ABCA5: variants seen among roughly 807,000 people sequenced by gnomAD.
ABCA5 encodes ATP binding cassette subfamily A member 5.
Under a neutral mutation model 206.0 loss-of-function variants are expected in ABCA5, and 163 were observed. The ratio of observed to expected loss-of-function variants is 0.79; its 90% CI spans 0.70 to 0.90. The LOEUF (loss-of-function observed/expected upper bound fraction) is 0.90, where lower values mean the gene tolerates loss of function less well. Among genes scored for constraint, ABCA5 ranks in the 40% least tolerant of loss-of-function variants. ABCA5 has a pLI of 0.00. For missense variants in ABCA5, 1,859 were observed against 1,912.9 expected, an observed-to-expected ratio of 0.97 and a Z score of 0.53; for synonymous variants, 609 against 613.8, an observed-to-expected ratio of 0.99 and a Z score of 0.11.
Position 69,251,520 on chromosome 17 carries a change from AAAT to A in ABCA5, c.4535+224_4535+226del, listed in dbSNP as rs527807005. The A allele has an allele frequency of 2.2e-4, 115 of 532,236 alleles. No homozygotes were observed. In the African/African-American group the frequency reaches 2.2e-3, roughly 10 times the overall value. The allele number at this position is 532,236 out of a possible 1,614,324, so 33.0% of individuals were successfully genotyped here. A position where few individuals can be genotyped will look rare whatever the true frequency, so the allele number is the denominator to read the frequency against. ...TTGAAATAACAAGTACTATGCCTAA[AAAT>A]AATATTCCAAGTTATTGAAATATTA... On this transcript the variant is annotated intron_variant, in intron 35 of 38. Transcript: ENST00000392676.
At chr17:69,280,774 T>C (rs1347208917) in intron 18 of ABCA5, among the ~76,000 whole-genome samples, 5 of 151,648 alleles carry the variant, frequency 3.3e-5, no homozygotes, top group Non-Finnish European at 7.4e-5. Flanking sequence ...CTCAGTAAAC[T>C]ATTGCAAGAA....
intron 5 of ABCA5, among the ~76,000 whole-genome samples, chr17:69,307,827 T>G (rs1439298311): frequency 6.6e-6 from 1 of 152,158 alleles, no homozygotes; most frequent in African/African-American, 2.4e-5. Flanking sequence ...ATACATACTT[T>G]AAACGTATTG....
At chr17:69,302,107 T>C (rs2075658544) in intron 8 of ABCA5, among the ~76,000 whole-genome samples, 1 of 152,206 alleles carries the variant, frequency 6.6e-6, no homozygotes, top group South Asian at 2.1e-4. Context: ...TTTCTTATAT[T>C]TAGTAATTAC....
intron 20 of ABCA5, among the ~76,000 whole-genome samples, chr17:69,271,517 C>T (rs2075273886): frequency 6.6e-6 from 1 of 152,150 alleles, no homozygotes; most frequent in South Asian, 2.1e-4. Context: ...TAAGTTCCCT[C>T]TTTTGTAAAG....
chr17:69,313,283 G>A lies in ABCA5; in HGVS notation c.116C>T (p.Pro39Leu). Residue 39 changes from proline (P) to leucine (L), a missense_variant, in exon 3 of 39, where the codon CCA becomes CTA. Physicochemically the swap from Pro to Leu is moderately conservative, Grantham distance 98. Coordinates refer to ENST00000392676, the MANE Select transcript of ABCA5 (RefSeq NM_172232.4). ...TATTAACCAAAATAAAAAAAATAGT[G>A]GAAAAAGAATTTCCTACAATAAAAG... ...KKSSVQEILF[P>L]LFFLFWLILI... is the part of the protein sequence containing the mutation. 3 of 1,372,132 alleles carry A rather than the reference G, an allele frequency of 2.2e-6. No homozygotes were observed. Among genetic ancestry groups the A allele is most frequent in the African/African-American group, 1.5e-5 (1 of 68,000 alleles). The allele number at this position is 1,372,132 out of a possible 1,614,324, so 85.0% of individuals were successfully genotyped here.
chr17:69,288,252 A>C (rs1272791411), intron 14 of ABCA5, among the ~76,000 whole-genome samples: 2 of 152,168 alleles, frequency 1.3e-5, no homozygotes, highest in Non-Finnish European at 2.9e-5. Flanking sequence ...GGAATGTGGC[A>C]GGATGGTGGG....
At chr17:69,299,471 T>TATACACACACACAC (rs2075627674) in intron 9 of ABCA5, among the ~76,000 whole-genome samples, 2 of 142,510 alleles carry the variant, frequency 1.4e-5, no homozygotes, top group South Asian at 2.3e-4. Flanking sequence ...CACACACACA[T>TATACACACACACAC]ACACACACAC....
intron 6 of ABCA5, among the ~76,000 whole-genome samples, chr17:69,306,501 T>C (rs1340847604): frequency 1.3e-5 from 2 of 152,092 alleles, no homozygotes; most frequent in African/African-American, 4.8e-5. Context: ...TAAACACGTA[T>C]TGTCAACACA....
At chr17:69,252,016 A>ACCTTTATATTCTTTTTT in intron 34 of ABCA5, 150 bp from the exon 35 acceptor site, 1 of 612,598 alleles carries the variant, frequency 1.6e-6, no homozygotes, top group South Asian at 2.2e-5. Flanking sequence ...CCCAACTATG[A>ACCTTTATATTCTTTTTT]TTTTTTTTTT....
At position 69,287,664 on chromosome 17, in the gene ABCA5, G is replaced by T; in HGVS notation, c.1990C>A (p.Arg664=). 6.2e-7 allele frequency: 1 copy of T among 1,613,746 alleles called. No individual in the cohort carries two copies. Among genetic ancestry groups the T allele is most frequent in the South Asian group, 1.1e-5 (1 of 91,046 alleles). Residue 664 remains arginine, a synonymous_variant, in exon 15 of 39, where the codon CGG becomes AGG. Transcript: ENST00000392676. ...AAATGAGTACTGAACACTGTCACCC[G>T]ATTGGCTTTTCTGTATTTTAAAAGA... ...WNLLKYRKAN[R]VTVFSTHFMD...
At chr17:69,307,798 T>G (rs941941509) in intron 5 of ABCA5, among the ~76,000 whole-genome samples, 6 of 152,162 alleles carry the variant, frequency 3.9e-5, no homozygotes. Flanking sequence ...AGATTTTGAT[T>G]CCAGCTCCAT....
chr17:69,309,958 T>C (rs1412432339), intron 3 of ABCA5, among the ~76,000 whole-genome samples: 2 of 152,192 alleles, frequency 1.3e-5, no homozygotes, highest in Admixed American at 6.5e-5. Context: ...GTCAGTGTTA[T>C]ACTTATGTTA....
chr17:69,282,160 T>C (rs934419955), intron 18 of ABCA5, among the ~76,000 whole-genome samples: 1 of 152,212 alleles, frequency 6.6e-6, no homozygotes, highest in African/African-American at 2.4e-5. Context: ...TTTTTTGTCC[T>C]CATCTTATTC....
At chr17:69,269,822 T>G (rs1242119257) in intron 22 of ABCA5, among the ~76,000 whole-genome samples, 2 of 152,166 alleles carry the variant, frequency 1.3e-5, no homozygotes, top group African/African-American at 4.8e-5. Flanking sequence ...CAAAAAAGAC[T>G]ACATACTGTA....
intron 11 of ABCA5, among the ~76,000 whole-genome samples, chr17:69,294,213 C>T (rs1229640287): frequency 5.3e-5 from 8 of 151,870 alleles, no homozygotes; most frequent in East Asian, 1.9e-4. Context: ...ATCACATAAA[C>T]GAAAGTATCT....
chr17:69,308,618 G>T (rs1052048573), intron 4 of ABCA5, among the ~76,000 whole-genome samples: 1 of 152,138 alleles, frequency 6.6e-6, no homozygotes, highest in South Asian at 2.1e-4. Context: ...TGTAAAGAAA[G>T]AAATTAATTG....
chr17:69,309,276 T>C lies in ABCA5; in HGVS notation c.455A>G (p.Tyr152Cys). 6.3e-7 allele frequency: 1 copy of C among 1,575,600 alleles called. No individual in the cohort carries two copies. The highest frequency in any genetic ancestry group is 8.6e-7 in the Non-Finnish European group (1 of 1,168,338). The change falls in exon 4 of 39, where the codon TAT becomes TGT. Residue 152 changes from tyrosine (Y) to cysteine (C), a missense_variant. Tyr to Cys is a radical substitution (Grantham distance 194). Coordinates refer to ENST00000392676, the MANE Select transcript of ABCA5 (RefSeq NM_172232.4). The part of the protein sequence containing the change: ...FPDMIPVSSI[Y>C]MDSRAGCSKS... ...GGGCTATTTACCTCTTGAATCCATA[T>C]AAATAGAAGATACTGGAATCATATC...
chr17:69,300,503 A>T (rs1248331687), intron 9 of ABCA5, among the ~76,000 whole-genome samples: 2 of 152,238 alleles, frequency 1.3e-5, no homozygotes, highest in Non-Finnish European at 2.9e-5. Context: ...TCTACAGAAC[A>T]TCTAGATTGC....
At chr17:69,275,170 A>C (rs1305962152) in intron 19 of ABCA5, among the ~76,000 whole-genome samples, 6 of 152,088 alleles carry the variant, frequency 3.9e-5, no homozygotes, top group Non-Finnish European at 2.9e-5. Context: ...TAACAAGAAA[A>C]ATATTTTAGA....
Sources: allele counts gnomAD v4.1 joint callset (sites outside exome capture counted in the v4.1 genomes callset), GRCh38; gene constraint gnomAD v4.1.1; transcripts MANE v1.5; gene names NCBI Gene and HGNC (gene_info 2026-07-23, HGNC 2026-07-21).